The following EFTUD2 variants were observed in gnomAD, a reference collection of about 807,000 sequenced individuals.
EFTUD2 encodes the protein elongation factor Tu GTP binding domain containing 2, also known as 116 kDa U5 small nuclear ribonucleoprotein component.
EFTUD2 carries 9 observed loss-of-function variants against 114.3 expected under a neutral mutation model. That is an observed-to-expected ratio of 0.08 (90% confidence interval 0.05 to 0.14). The LOEUF (loss-of-function observed/expected upper bound fraction) is 0.14, where lower values mean the gene tolerates loss of function less well. Among genes scored for constraint, EFTUD2 ranks in the 10% least tolerant of loss-of-function variants. The probability of loss-of-function intolerance (pLI) is 1.00; values close to 1 mark genes in which losing one functional copy is unlikely to be tolerated. For synonymous variants in EFTUD2, 449 were observed against 462.3 expected, an observed-to-expected ratio of 0.97 and a Z score of 0.37; for missense variants, 765 against 1,241.2, an observed-to-expected ratio of 0.62 and a Z score of 5.76.
rs117507317 is a variant in EFTUD2, at chr17:44,872,456, G to A, written c.984C>T (p.Ala328=). 638 of 1,612,740 alleles carry A rather than the reference G, an allele frequency of 4.0e-4. 6 individuals carry two copies. The East Asian group carries it at 0.012, about 30-fold the overall frequency. ...CCAGCCAGCGCTTACCAAAGGTGTC[G>A]GCATAGATCTTGGCAAAGGAGCCCA... ...FTLGSFAKIY[A]DTFGDINYQE... The change falls in exon 11 of 28, where the codon GCC becomes GCT. Residue 328 remains alanine, a synonymous_variant. Transcript: ENST00000426333.
intron 14 of EFTUD2, among the ~76,000 whole-genome samples, chr17:44,864,364 T>A (rs966182003): frequency 6.6e-6 from 1 of 152,156 alleles, no homozygotes; most frequent in African/African-American, 2.4e-5. Flanking sequence ...GGACTTAGAA[T>A]CAGAGACTGC....
At chr17:44,886,844 T>C in intron 2 of EFTUD2, 94 bp from the exon 3 acceptor site, 1 of 1,507,588 alleles carries the variant, frequency 6.6e-7, no homozygotes, top group Non-Finnish European at 8.8e-7. Flanking sequence ...TGACTGTACA[T>C]GCTGGCCAGC....
chr17:44,851,850 C>A lies in EFTUD2; in HGVS notation c.2716-33G>T, dbSNP rs775807373. The A allele has an allele frequency of 3.8e-6, 6 of 1,561,952 alleles. No individual in the cohort carries two copies. The African/African-American group carries it at 8.2e-5, about 21-fold the overall frequency. Reference sequence around the variant, plus strand: ...GCAAAGGAATTTCAGATGGCCCAGGCAGAATTCCCAGAAGATTCAGGCCCA... The same window carrying A: ...GCAAAGGAATTTCAGATGGCCCAGGAAGAATTCCCAGAAGATTCAGGCCCA... On this transcript the variant is annotated intron_variant, in intron 26 of 27. Coordinates refer to ENST00000426333, the MANE Select transcript of EFTUD2 (RefSeq NM_004247.4).
intron 4 of EFTUD2, chr17:44,883,949 C>T (rs1422952464): frequency 3.0e-5 from 16 of 538,480 alleles, no homozygotes; most frequent in Non-Finnish European, 4.7e-5. Flanking sequence ...ACGGGGATTT[C>T]AATAGTAAAA....
At chr17:44,885,203 A>G in intron 4 of EFTUD2, 53 bp downstream of exon 4, 1 of 1,479,730 alleles carries the variant, frequency 6.8e-7, no homozygotes, top group South Asian at 1.2e-5. Flanking sequence ...ATCTCTACAA[A>G]AACATGAACC....
rs978154214 is a variant in EFTUD2 at position 44,886,830 on chromosome 17, G to A, written c.106-80C>T. ...TATCTGACTACCTCCGTGAGTGACA[G>A]CACTGACTGTACATGCTGGCCAGCT... On this transcript the variant is annotated intron_variant, in intron 2 of 27. Coordinates refer to ENST00000426333, the MANE Select transcript of EFTUD2 (RefSeq NM_004247.4). The A allele has an allele frequency of 2.2e-5, 33 of 1,527,128 alleles. 1 individual carries two copies. In the Middle Eastern group the frequency reaches 1.6e-3, roughly 74 times the overall value. 94.6% of individuals were successfully genotyped at this position (1,527,128 alleles called of 1,614,324 possible).
At chr17:44,892,475 CAT>C (rs887959737) in intron 2 of EFTUD2, 5 of 152,196 alleles carry the variant, frequency 3.3e-5, no homozygotes, top group Non-Finnish European at 5.9e-5. Flanking sequence ...TGATGCAGCC[CAT>C]GTTCTTTTCA....
At chr17:44,880,498 G>C in intron 8 of EFTUD2, 56 bp downstream of exon 8, 2 of 1,364,092 alleles carry the variant, frequency 1.5e-6, no homozygotes, top group Non-Finnish European at 2.1e-6. Flanking sequence ...AAAGTGAGAG[G>C]ACACACGCAA....
At chr17:44,877,285 T>C (rs910898139) in intron 9 of EFTUD2, among the ~76,000 whole-genome samples, 1 of 152,104 alleles carries the variant, frequency 6.6e-6, no homozygotes, top group Non-Finnish European at 1.5e-5. Context: ...GAACATCTTT[T>C]TGTGCTTGAA....
chr17:44,888,154 G>C (rs2145563225), intron 2 of EFTUD2, among the ~76,000 whole-genome samples: 1 of 152,352 alleles, frequency 6.6e-6, no homozygotes, highest in African/African-American at 2.4e-5. Context: ...TTGAGGTTTA[G>C]CAAGGAAGCC....
chr17:44,896,990 G>A (rs912380595), intron 1 of EFTUD2, among the ~76,000 whole-genome samples: 2 of 152,108 alleles, frequency 1.3e-5, no homozygotes, highest in African/African-American at 4.8e-5. Flanking sequence ...GCTGAGGTGG[G>A]TGGATCACGA....
At chr17:44,851,682 G>T in intron 27 of EFTUD2, 28 bp downstream of exon 27, 1 of 1,545,986 alleles carries the variant, frequency 6.5e-7, no homozygotes, top group Non-Finnish European at 8.7e-7. Context: ...GGGGTTGAGG[G>T]ATGGCAACAG....
intron 13 of EFTUD2, among the ~76,000 whole-genome samples, chr17:44,866,751 G>C (rs752521328): frequency 6.6e-6 from 1 of 152,148 alleles, no homozygotes; most frequent in Non-Finnish European, 1.5e-5. Context: ...TCAGATTAAT[G>C]AGCATAACTG....
intron 26 of EFTUD2, 93 bp downstream of exon 26, chr17:44,852,316 C>A: frequency 6.5e-7 from 1 of 1,527,376 alleles, no homozygotes; most frequent in Non-Finnish European, 8.9e-7. Context: ...ATGCTGTACA[C>A]CTCACTTAGG....
In EFTUD2 at chr17:44,850,492, T is replaced by C; in HGVS notation, c.*782A>G. On this transcript the variant is annotated 3_prime_UTR_variant, in exon 28 of 28. Transcript: ENST00000426333. ...TTGAGGAAAATCAACAGACTCTTTT[T>C]CACTGGGGGAGAACAGAGTAAGGGA... 2.3e-6 allele frequency: 2 copies of C among 876,826 alleles called. No homozygotes were observed. The highest frequency in any genetic ancestry group is 2.5e-5 in the East Asian group (1 of 39,870). 54.3% of individuals were successfully genotyped at this position (876,826 alleles called of 1,614,324 possible).
rs961072637 is a variant in EFTUD2 at position 44,863,790 on chromosome 17, T to C, written c.1286-8A>G. On this transcript the variant is annotated splice_region_variant and splice_polypyrimidine_tract_variant and intron_variant, in intron 14 of 27. Transcript: ENST00000426333. ...CACACATGTCCACAAAGCCTGTGGA[T>C]GGAGAAGAGAAAGCCATTAATACAT... The C allele has an allele frequency of 6.2e-7, 1 of 1,613,468 alleles. No individual in the cohort carries two copies. Among genetic ancestry groups the C allele is most frequent in the African/African-American group, 1.3e-5 (1 of 75,028 alleles).
At position 44,851,508 on chromosome 17, in the gene EFTUD2, G is replaced by C. The variant is rs1028413559; in HGVS notation, c.2824-139C>G. On this transcript the variant is annotated intron_variant, in intron 27 of 27. Coordinates refer to ENST00000426333, the MANE Select transcript of EFTUD2 (RefSeq NM_004247.4). ...TGGTGTTTCAGGAGCCCTGCCTTTAGGGTACTATCACATGGGAGGATAAGG... is the reference window on the plus strand; with the variant it reads ...TGGTGTTTCAGGAGCCCTGCCTTTACGGTACTATCACATGGGAGGATAAGG... The C allele has an allele frequency of 4.5e-6, 4 of 885,230 alleles. 1 individual carries two copies. In the South Asian group the frequency reaches 6.0e-5, roughly 13 times the overall value. The allele number at this position is 885,230 out of a possible 1,614,324, so 54.8% of individuals were successfully genotyped here.
intron 19 of EFTUD2, among the ~76,000 whole-genome samples, chr17:44,858,876 G>A (rs1342926040): frequency 6.6e-6 from 1 of 152,024 alleles, no homozygotes; most frequent in East Asian, 1.9e-4. Flanking sequence ...CACCAAGCAC[G>A]GCTGAGCCTT....
intron 1 of EFTUD2, among the ~76,000 whole-genome samples, chr17:44,897,860 C>T (rs527351005): frequency 2.0e-5 from 3 of 152,140 alleles, no homozygotes; most frequent in Admixed American, 6.5e-5. Flanking sequence ...CCACCGCACC[C>T]GGCCACATTT....
Sources: gnomAD v4.1 joint callset for allele counts (sites outside exome capture counted in the v4.1 genomes callset) on GRCh38, gnomAD v4.1.1 for gene constraint, MANE v1.5 for transcripts, NCBI Gene and HGNC (gene_info 2026-07-23, HGNC 2026-07-21) for gene names.